HSPA12A: variants seen among roughly 807,000 people sequenced by gnomAD.
HSPA12A encodes the protein heat shock protein family A (Hsp70) member 12A, also known as heat shock 70 kDa protein 12A.
Under a neutral mutation model 69.2 loss-of-function variants are expected in HSPA12A, and 28 were observed. The ratio of observed to expected loss-of-function variants is 0.40; its 90% CI spans 0.30 to 0.55. HSPA12A has a LOEUF of 0.55. Among genes scored for constraint, HSPA12A ranks in the 20% least tolerant of loss-of-function variants. The pLI is 0.38. For missense variants in HSPA12A, 686 were observed against 900.7 expected, an observed-to-expected ratio of 0.76 and a Z score of 3.05; for synonymous variants, 345 against 370.5, an observed-to-expected ratio of 0.93 and a Z score of 0.79.
chr10:116,783,176 TG>T, intron 2 of HSPA12A, among the ~76,000 whole-genome samples: 1 of 152,278 alleles, frequency 6.6e-6, no homozygotes, highest in Admixed American at 6.5e-5. Context: ...TGGGAAGGGC[TG>T]GGGCTGAGAC....
chr10:116,678,341 C>A (rs1589619234), intron 10 of HSPA12A, among the ~76,000 whole-genome samples: 7 of 71,984 alleles, frequency 9.7e-5, no homozygotes, highest in African/African-American at 1.1e-4. Flanking sequence ...GTCCATCTGC[C>A]AACTTGCAAA....
chr10:116,831,364 AG>A (rs900961160), intron 2 of HSPA12A: 1 of 152,230 alleles, frequency 6.6e-6, no homozygotes, highest in African/African-American at 2.4e-5. Context: ...GGGGAACAAA[AG>A]GAAGAAAAGG....
intron 2 of HSPA12A, among the ~76,000 whole-genome samples, chr10:116,705,582 T>C (rs1341684516): frequency 6.6e-6 from 1 of 152,234 alleles, no homozygotes; most frequent in African/African-American, 2.4e-5. Context: ...AATTCTATCA[T>C]CAGGGCTGGT....
intron 2 of HSPA12A, among the ~76,000 whole-genome samples, chr10:116,803,169 T>A (rs1475769988): frequency 2.0e-5 from 3 of 152,318 alleles, no homozygotes; most frequent in South Asian, 4.1e-4. Context: ...TAGTTGGTAT[T>A]TTCTGAGGGT....
chr10:116,831,099 T>C (rs1845605524), intron 2 of HSPA12A: 2 of 152,324 alleles, frequency 1.3e-5, no homozygotes, highest in African/African-American at 2.4e-5. Context: ...GTATGTATAA[T>C]AGTGGCCTCT....
intron 6 of HSPA12A, among the ~76,000 whole-genome samples, chr10:116,690,706 C>G (rs1328908078): frequency 1.3e-5 from 2 of 152,126 alleles, no homozygotes; most frequent in African/African-American, 4.8e-5. Flanking sequence ...CTGTGACTCC[C>G]CAGTGTGAGG....
intron 6 of HSPA12A, among the ~76,000 whole-genome samples, chr10:116,691,742 G>A (rs1849743797): frequency 6.6e-6 from 1 of 152,238 alleles, no homozygotes; most frequent in Non-Finnish European, 1.5e-5. Flanking sequence ...ACTGGCACTG[G>A]AGCATCTGTC....
intron 1 of HSPA12A, among the ~76,000 whole-genome samples, chr10:116,843,301 G>A (rs947650482): frequency 6.6e-6 from 1 of 152,178 alleles, no homozygotes; most frequent in Non-Finnish European, 1.5e-5. Flanking sequence ...TGTTTTTAAA[G>A]GCTCCCTTTT....
At chr10:116,793,261 C>T (rs1844738720) in intron 2 of HSPA12A, among the ~76,000 whole-genome samples, 1 of 152,146 alleles carries the variant, frequency 6.6e-6, no homozygotes, top group South Asian at 2.1e-4. Flanking sequence ...AATGATAATG[C>T]CTTATGGAGT....
chr10:116,681,650 A>G (rs1706660572), intron 8 of HSPA12A, 141 bp downstream of exon 8: 1 of 668,594 alleles, frequency 1.5e-6, no homozygotes, highest in African/African-American at 1.8e-5. Context: ...AGCTCCCAAA[A>G]GAGCTCTCCC....
At chr10:116,765,705 C>A (rs1615201) in intron 2 of HSPA12A, among the ~76,000 whole-genome samples, 83,730 of 151,890 alleles carry the variant, frequency 0.55, 23,565 homozygotes, top group African/African-American at 0.66. Context: ...AGGACACACC[C>A]GTTAGATGCT....
At chr10:116,700,826 T>C (rs1044389495) in intron 4 of HSPA12A, 117 bp downstream of exon 4, 13 of 886,738 alleles carry the variant, frequency 1.5e-5, no homozygotes, top group Non-Finnish European at 2.1e-5. Context: ...TGATTTCTGC[T>C]TGGAAGAGAC....
rs558804875 is a variant in HSPA12A, at chr10:116,804,412, A to C, written c.91+30523T>G. Among the ~76,000 whole-genome samples the C allele has an allele frequency of 5.3e-5, 8 of 152,120 alleles. No individual in the cohort carries two copies. In the East Asian group the frequency reaches 1.6e-3, roughly 30 times the overall value. The stretch of plus-strand genomic sequence containing the variant: ...CGGAAAGCAAAGCTTGCAGCGTCCT[A>C]TGGGGCTCACATTTCCAGAAGGGGT... On this transcript the variant is annotated intron_variant, in intron 2 of 12. Coordinates refer to the HSPA12A transcript ENST00000635765.
At chr10:116,726,523 A>AC (rs1554885055) in intron 1 of HSPA12A, among the ~76,000 whole-genome samples, 2 of 148,576 alleles carry the variant, frequency 1.3e-5, no homozygotes. Context: ...ACTACCTACC[A>AC]CCCCCCTTGT....
chr10:116,734,446 T>C (rs1430848213), intron 1 of HSPA12A, among the ~76,000 whole-genome samples: 2 of 128,588 alleles, frequency 1.6e-5, no homozygotes, highest in Non-Finnish European at 3.4e-5. Context: ...CGAGACTCTG[T>C]CTAAAAAAAA....
At chr10:116,833,656 T>A (rs1370524158) in intron 2 of HSPA12A, among the ~76,000 whole-genome samples, 1 of 152,228 alleles carries the variant, frequency 6.6e-6, no homozygotes, top group Non-Finnish European at 1.5e-5. Context: ...GCACTGTCTA[T>A]CCCACTGAGT....
intron 2 of HSPA12A, among the ~76,000 whole-genome samples, chr10:116,779,145 A>C (rs377747801): frequency 5.3e-5 from 8 of 152,192 alleles, no homozygotes; most frequent in Non-Finnish European, 8.8e-5. Flanking sequence ...CAGGGCCTTC[A>C]TCGGCAGTTG....
rs782790743 is a variant in HSPA12A at position 116,681,804 on chromosome 10, G to A, written c.909C>T (p.Ser303=). The A allele has an allele frequency of 8.1e-6, 13 of 1,613,822 alleles. No homozygotes were observed. Among genetic ancestry groups the A allele is most frequent in the African/African-American group, 4.0e-5 (3 of 74,896 alleles). ...GAAGGACGCTACCTTCCTCCAGCTCGGACCAGATTTCTCCTATGACATTCT... is the reference window on the plus strand; with the variant it reads ...GAAGGACGCTACCTTCCTCCAGCTCAGACCAGATTTCTCCTATGACATTCT... ...LVENVIGEIW[S]ELEEGDKYVV... is the part of the protein sequence containing the mutation. Residue 303 remains serine, a synonymous_variant, in exon 8 of 12, where the codon TCC becomes TCT. Transcript: ENST00000369209.
At chr10:116,835,427 G>A (rs76574033) in intron 1 of HSPA12A, among the ~76,000 whole-genome samples, 9,692 of 152,176 alleles carry the variant, frequency 0.064, 994 homozygotes, top group African/African-American at 0.22. Flanking sequence ...AGATGACGCC[G>A]AGACTCTGTC....
Sources: gnomAD v4.1 joint callset for allele counts (sites outside exome capture counted in the v4.1 genomes callset) on GRCh38, gnomAD v4.1.1 for gene constraint, MANE v1.5 for transcripts, NCBI Gene and HGNC (gene_info 2026-07-23, HGNC 2026-07-21) for gene names.